The following SUGT1 variants were observed in gnomAD, a reference collection of about 807,000 sequenced individuals.
The protein encoded by SUGT1 is protein SGT1 homolog.
A neutral mutation model predicts 56.1 loss-of-function variants in SUGT1; 15 were observed. That is an observed-to-expected ratio of 0.27 (90% confidence interval 0.18 to 0.41). The LOEUF (loss-of-function observed/expected upper bound fraction) is 0.41, where lower values mean the gene tolerates loss of function less well. Ranked by LOEUF, SUGT1 falls within the 10% of genes least tolerant of loss-of-function variation. SUGT1 has a pLI of 1.00. For synonymous variants in SUGT1, 123 were observed against 128.6 expected (o/e 0.96, Z 0.30); for missense variants, 347 against 382.2 (o/e 0.91, Z 0.77).
chr13:52,654,019 A>G (rs1050540529), intron 2 of SUGT1, among the ~76,000 whole-genome samples: 4 of 152,228 alleles, frequency 2.6e-5, no homozygotes, highest in African/African-American at 9.6e-5. Context: ...GGGAAAGAAT[A>G]TTCCAGGCAG....
In SUGT1 at chr13:52,690,906, C is replaced by T. The variant is rs946497835; in HGVS notation, c.*3071C>T. 2 of 151,944 alleles carry T rather than the reference C, an allele frequency of 1.3e-5. No individual in the cohort carries two copies. Among genetic ancestry groups the T allele is most frequent in the Non-Finnish European group, 2.9e-5 (2 of 67,950 alleles). 9.4% of individuals were successfully genotyped at this position (151,944 alleles called of 1,614,324 possible). Reference sequence around the variant, plus strand: ...ATTTGTTTAGAGACACGGTCTTCTTCTATCACCTAGGCTGGAGTGCAGTGG... The same window carrying T: ...ATTTGTTTAGAGACACGGTCTTCTTTTATCACCTAGGCTGGAGTGCAGTGG... On this transcript the variant is annotated 3_prime_UTR_variant, in exon 13 of 13. Coordinates refer to ENST00000310528, the MANE Select transcript of SUGT1 (RefSeq NM_006704.5).
At chr13:52,679,429 TCTTA>T (rs148627360) in intron 11 of SUGT1, among the ~76,000 whole-genome samples, 5,454 of 152,338 alleles carry the variant, frequency 0.036, 125 homozygotes, top group South Asian at 0.064. Flanking sequence ...ATTAAAATAA[TCTTA>T]CTTTTTTGAT....
chr13:52,676,062 G>A (rs1963129970), intron 10 of SUGT1, among the ~76,000 whole-genome samples, 168 bp from the exon 11 acceptor site: 2 of 152,030 alleles, frequency 1.3e-5, no homozygotes, highest in Admixed American at 1.3e-4. Context: ...AATTTTGAGT[G>A]TAGAAACAAA....
chr13:52,659,095 G>GA, intron 4 of SUGT1, 84 bp from the exon 5 acceptor site: 1 of 1,156,318 alleles, frequency 8.6e-7, no homozygotes, highest in Non-Finnish European at 1.2e-6. Flanking sequence ...TTCAACAGTA[G>GA]AAAATACTAA....
chr13:52,694,571 CAGAA>C lies in SUGT1; in HGVS notation c.*6737_*6740del, dbSNP rs1963869594. On this transcript the variant is annotated 3_prime_UTR_variant, in exon 13 of 13. Transcript: ENST00000310528. ...TTCATTTCAATTTCAAAGCTCAAAA[CAGAA>C]GGTAAAACTATTAGGATTTGTGAAA... 1 of 152,180 alleles carries C rather than the reference CAGAA, an allele frequency of 6.6e-6. No individual in the cohort carries two copies. Among genetic ancestry groups the C allele is most frequent in the African/African-American group, 2.4e-5 (1 of 41,450 alleles). The allele number at this position is 152,180 out of a possible 1,614,324, so 9.4% of individuals were successfully genotyped here. A position where few individuals can be genotyped will look rare whatever the true frequency, so the allele number is the denominator to read the frequency against.
chr13:52,672,281 A>C (rs575090483), intron 10 of SUGT1, among the ~76,000 whole-genome samples: 1 of 152,254 alleles, frequency 6.6e-6, no homozygotes, highest in African/African-American at 2.4e-5. Context: ...CACATACTGG[A>C]ATCTTTTTGT....
intron 2 of SUGT1, among the ~76,000 whole-genome samples, chr13:52,655,554 C>G (rs919867594): frequency 2.0e-5 from 3 of 152,052 alleles, no homozygotes; most frequent in African/African-American, 7.2e-5. Flanking sequence ...GCATGTAGGG[C>G]AGTGATTGAG....
chr13:52,665,845 A>C (rs1157826265), intron 9 of SUGT1, 112 bp downstream of exon 9: 1 of 687,932 alleles, frequency 1.5e-6, no homozygotes, highest in Non-Finnish European at 2.3e-6. Flanking sequence ...TCCTGAGATG[A>C]TTTGGAAAAT....
chr13:52,676,387 T>G, intron 11 of SUGT1, 67 bp downstream of exon 11: 1 of 1,278,890 alleles, frequency 7.8e-7, no homozygotes. Flanking sequence ...TAAATAGTAA[T>G]GAACATTCTT....
rs768277897 is a variant in SUGT1 at position 52,681,252 on chromosome 13, C to CGAAA, written c.900+1097_900+1098insGAAA. Among the ~76,000 whole-genome samples the CGAAA allele has an allele frequency of 5.1e-5, 5 of 97,890 alleles. No homozygotes were observed. The East Asian group carries it at 1.2e-3, about 23-fold the overall frequency. 64.2% of individuals were successfully genotyped at this position (97,890 alleles called of 152,430 possible). Reference sequence around the variant, plus strand: ...GCAACATAGAGAGACCCTATCTCTACAAAAAAAAAAAAAAAATTAGCTAGG... The same window carrying CGAAA: ...GCAACATAGAGAGACCCTATCTCTACGAAAAAAAAAAAAAAAAAAATTAGCTAGG... On this transcript the variant is annotated intron_variant, in intron 12 of 12. Transcript: ENST00000310528.
chr13:52,670,004 T>G (rs1962866197), intron 10 of SUGT1, among the ~76,000 whole-genome samples: 1 of 152,186 alleles, frequency 6.6e-6, no homozygotes, highest in African/African-American at 2.4e-5. Context: ...CCTTTGTGAA[T>G]TGAGAAAGGA....
chr13:52,657,933 A>G (rs975143836), intron 3 of SUGT1, among the ~76,000 whole-genome samples: 6 of 152,252 alleles, frequency 3.9e-5, no homozygotes, highest in Non-Finnish European at 7.3e-5. Flanking sequence ...TTTATAAAAA[A>G]GAATGTGGCC....
In SUGT1 at chr13:52,688,616, G is replaced by C. The variant is rs1368689487; in HGVS notation, c.*781G>C. On this transcript the variant is annotated 3_prime_UTR_variant, in exon 13 of 13. Coordinates refer to ENST00000310528, the MANE Select transcript of SUGT1 (RefSeq NM_006704.5). ...TTTTTGGTATTTTTTTTCTTTATTA[G>C]AAAATCTCTGTTGTCACGTCCCCAT... 2 of 151,962 alleles carry C rather than the reference G, an allele frequency of 1.3e-5. No individual in the cohort carries two copies. Among genetic ancestry groups the C allele is most frequent in the Non-Finnish European group, 2.9e-5 (2 of 67,992 alleles). 9.4% of individuals were successfully genotyped at this position (151,962 alleles called of 1,614,324 possible).
intron 2 of SUGT1, 100 bp from the exon 3 acceptor site, chr13:52,657,432 G>T: frequency 3.0e-6 from 3 of 997,460 alleles, no homozygotes; most frequent in Non-Finnish European, 4.6e-6. Context: ...CCTCCAAATA[G>T]CTTCTGACAA....
At chr13:52,675,337 G>A (rs1963102429) in intron 10 of SUGT1, among the ~76,000 whole-genome samples, 1 of 152,190 alleles carries the variant, frequency 6.6e-6, no homozygotes, top group Non-Finnish European at 1.5e-5. Context: ...ACTTTGGGAG[G>A]CTGAGGTGGG....
chr13:52,672,286 T>C (rs1962977006), intron 10 of SUGT1, among the ~76,000 whole-genome samples: 2 of 152,134 alleles, frequency 1.3e-5, no homozygotes, highest in Admixed American at 1.3e-4. Context: ...ACTGGAATCT[T>C]TTTGTTTATG....
chr13:52,666,090 TTTG>T (rs1031445699), intron 9 of SUGT1, among the ~76,000 whole-genome samples: 37 of 152,220 alleles, frequency 2.4e-4, no homozygotes, highest in African/African-American at 6.8e-4. Context: ...TATGACTTTT[TTTG>T]TTGTTGTTTT....
intron 12 of SUGT1, among the ~76,000 whole-genome samples, chr13:52,680,847 GTTTA>G (rs1471124465): frequency 2.0e-5 from 3 of 152,240 alleles, no homozygotes; most frequent in African/African-American, 4.8e-5. Context: ...GCTTTTCACA[GTTTA>G]TTTATTTAGA....
chr13:52,665,784 T>C, intron 9 of SUGT1, 51 bp downstream of exon 9: 2 of 1,238,088 alleles, frequency 1.6e-6, no homozygotes, highest in Non-Finnish European at 1.2e-6. Flanking sequence ...TTTGCAAATT[T>C]AGTATATTGC....
Sources: allele counts gnomAD v4.1 joint callset (sites outside exome capture counted in the v4.1 genomes callset), GRCh38; gene constraint gnomAD v4.1.1; transcripts MANE v1.5; gene names NCBI Gene and HGNC (gene_info 2026-07-23, HGNC 2026-07-21).